Variants in TTC13 observed in about 807,000 individuals in gnomAD.
The protein encoded by TTC13 is tetratricopeptide repeat domain 13.
TTC13 carries 62 observed loss-of-function variants against 120.0 expected under a neutral mutation model. That is an observed-to-expected ratio of 0.52 (90% CI 0.42 to 0.64). TTC13 has a LOEUF of 0.64. Among genes scored for constraint, TTC13 ranks in the 30% least tolerant of loss-of-function variants. The pLI is 0.00. For missense variants in TTC13, 824 were observed against 1,050.2 expected (o/e 0.78, Z 2.98); for synonymous variants, 384 against 393.5 (o/e 0.98, Z 0.28).
intron 8 of TTC13, among the ~76,000 whole-genome samples, chr1:230,936,924 G>C (rs1431868838): frequency 1.3e-5 from 2 of 152,126 alleles, no homozygotes; most frequent in African/African-American, 4.8e-5. Flanking sequence ...ATACCTCATG[G>C]AGATGCCGTT....
At chr1:230,949,711 T>A (rs2102916548) in intron 4 of TTC13, among the ~76,000 whole-genome samples, 1 of 152,322 alleles carries the variant, frequency 6.6e-6, no homozygotes, top group South Asian at 2.1e-4. Flanking sequence ...AGTGGCGCGA[T>A]CTTGGCTCAC....
At chr1:230,921,579 T>G in intron 15 of TTC13, 75 bp from the exon 16 acceptor site, 1 of 769,024 alleles carries the variant, frequency 1.3e-6, no homozygotes, top group East Asian at 3.4e-5. Context: ...AATTTCAAAG[T>G]TAATTTAAAA....
At chr1:230,959,233 A>G (rs1383884555) in intron 2 of TTC13, among the ~76,000 whole-genome samples, 1 of 152,218 alleles carries the variant, frequency 6.6e-6, no homozygotes, top group Non-Finnish European at 1.5e-5. Context: ...CTGCAAAAAG[A>G]TATAGGGACG....
In TTC13 at chr1:230,924,031, A is replaced by C. The variant is rs1365663821; in HGVS notation, c.1722-98T>G. The stretch of plus-strand genomic sequence containing the variant: ...CAAAGGTGGGGATAAAGCAACAGCT[A>C]GTCCATCATATCTAAAAACGTGATG... On this transcript the variant is annotated intron_variant, in intron 14 of 22. Transcript: ENST00000366661. The C allele has an allele frequency of 4.8e-6, 4 of 829,952 alleles. No individual in the cohort carries two copies. In the Admixed American group the frequency reaches 1.0e-4, roughly 21 times the overall value. 51.4% of individuals were successfully genotyped at this position (829,952 alleles called of 1,614,324 possible). A position where few individuals can be genotyped will look rare whatever the true frequency, so the allele number is the denominator to read the frequency against.
chr1:230,972,885 C>T (rs527685557), intron 1 of TTC13, among the ~76,000 whole-genome samples: 1 of 152,186 alleles, frequency 6.6e-6, no homozygotes, highest in East Asian at 1.9e-4. Context: ...CTGAAAGATG[C>T]TGTTCAGTGA....
At chr1:230,963,671 T>TAAATAAATAAATAAATAAAA (rs781569617) in intron 1 of TTC13, among the ~76,000 whole-genome samples, 164 of 109,894 alleles carry the variant, frequency 1.5e-3, no homozygotes, top group Middle Eastern at 4.7e-3. Flanking sequence ...AATAAATAAA[T>TAAATAAATAAATAAATAAAA]AAAAGAAAAA....
chr1:230,948,520 T>C (rs575519888), intron 4 of TTC13, among the ~76,000 whole-genome samples: 19 of 150,286 alleles, frequency 1.3e-4, no homozygotes, highest in East Asian at 3.9e-4. Flanking sequence ...AAAGACAGGG[T>C]CTCACTCTGT....
At chr1:230,918,607 G>A (rs1310356298) in intron 17 of TTC13, among the ~76,000 whole-genome samples, 1 of 152,168 alleles carries the variant, frequency 6.6e-6, no homozygotes. Context: ...AACGCAGTGG[G>A]TTTGAGAAGG....
intron 3 of TTC13, among the ~76,000 whole-genome samples, chr1:230,955,532 G>A (rs1675986330): frequency 2.6e-5 from 4 of 151,304 alleles, no homozygotes; most frequent in Middle Eastern, 3.4e-3. Context: ...TTAGCTGGGC[G>A]TGGTGGCGGG....
intron 12 of TTC13, among the ~76,000 whole-genome samples, chr1:230,926,865 C>G (rs1673099777): frequency 6.6e-6 from 1 of 152,168 alleles, no homozygotes; most frequent in Admixed American, 6.5e-5. Context: ...GCTTTCCTAT[C>G]CCATCCTCCC....
At chr1:230,962,320 A>G (rs1676716664) in intron 1 of TTC13, among the ~76,000 whole-genome samples, 1 of 152,186 alleles carries the variant, frequency 6.6e-6, no homozygotes, top group African/African-American at 2.4e-5. Flanking sequence ...GGACCTGTAT[A>G]GGCATTGAGC....
At position 230,978,811 on chromosome 1, in the gene TTC13, C is replaced by A. The variant is rs1178710662; in HGVS notation, c.20G>T (p.Cys7Phe). The change falls in exon 1 of 23, where the codon TGC (cysteine) becomes TTC (phenylalanine). Residue 7 changes from cysteine (C) to phenylalanine (F), a missense_variant. Cys to Phe is a radical substitution (Grantham distance 205). Transcript: ENST00000366661. This position sits in a 1 kb window ranked among gnomAD's most constrained non-coding sequence, Gnocchi z 5.6. ...GCCGCCCCAGAAGCAGCAGCAGCAG[C>A]AGCAGCCGGCAGGTGCCATCTTCCC... Reference protein sequence around the residue: MAPAGCCCCCCFWGGAV... With the variant: MAPAGCFCCCCFWGGAV... 1 of 1,487,558 alleles carries A rather than the reference C, an allele frequency of 6.7e-7. No homozygotes were observed. Among genetic ancestry groups the A allele is most frequent in the Admixed American group, 2.4e-5 (1 of 42,548 alleles). 92.1% of individuals were successfully genotyped at this position (1,487,558 alleles called of 1,614,324 possible).
intron 20 of TTC13, among the ~76,000 whole-genome samples, chr1:230,910,257 C>G (rs1671369126): frequency 6.6e-6 from 1 of 152,068 alleles, no homozygotes; most frequent in Admixed American, 6.5e-5. Flanking sequence ...ATGAAAGGGG[C>G]AGAGAAGGCA....
chr1:230,948,332 A>T (rs964450344), intron 4 of TTC13, among the ~76,000 whole-genome samples: 21 of 151,068 alleles, frequency 1.4e-4, no homozygotes, highest in African/African-American at 5.1e-4. Context: ...TTTCACTTAA[A>T]AAAAAAAGTG....
intron 12 of TTC13, among the ~76,000 whole-genome samples, chr1:230,926,499 T>C (rs114078175): frequency 0.018 from 2,794 of 152,278 alleles, 85 homozygotes; most frequent in African/African-American, 0.065. Flanking sequence ...AAGTGTTGAA[T>C]AGAAATCACA....
At chr1:230,923,572 T>G (rs1160145449) in intron 15 of TTC13, among the ~76,000 whole-genome samples, 1 of 152,180 alleles carries the variant, frequency 6.6e-6, no homozygotes, top group Non-Finnish European at 1.5e-5. Flanking sequence ...ACTGACGCCC[T>G]AGGAAAACAT....
chr1:230,960,734 G>A (rs1473308651), intron 2 of TTC13, among the ~76,000 whole-genome samples: 1 of 152,126 alleles, frequency 6.6e-6, no homozygotes, highest in Non-Finnish European at 1.5e-5. Flanking sequence ...ACAAAAAGAA[G>A]ACCCATCCCT....
intron 6 of TTC13, 53 bp downstream of exon 6, chr1:230,943,753 T>C (rs1289420363): frequency 6.3e-6 from 9 of 1,432,484 alleles, no homozygotes; most frequent in African/African-American, 1.4e-5. Flanking sequence ...AGGAAAAAAA[T>C]TGAGATTCAA....
intron 1 of TTC13, among the ~76,000 whole-genome samples, chr1:230,968,803 T>A (rs547513795): frequency 6.6e-6 from 1 of 151,796 alleles, no homozygotes; most frequent in Admixed American, 6.6e-5. Context: ...GGAAGAGAGG[T>A]TTTAGAGGGA....
Sources: gnomAD v4.1 joint callset for allele counts (sites outside exome capture counted in the v4.1 genomes callset) on GRCh38, gnomAD v4.1.1 for gene constraint, Gnocchi (gnomAD v3.1) non-coding constraint, MANE v1.5 for transcripts, NCBI Gene and HGNC (gene_info 2026-07-23, HGNC 2026-07-21) for gene names.